Variants in ZFHX3 observed in about 807,000 individuals in gnomAD.
ZFHX3 encodes the protein zinc finger homeobox protein 3.
In ZFHX3, 42 loss-of-function variants were observed where a neutral mutation model predicts 279.1. The observed-to-expected ratio is 0.15, with a 90% CI of 0.12 to 0.19. The LOEUF (loss-of-function observed/expected upper bound fraction) is 0.19, where lower values mean the gene tolerates loss of function less well. Ranked by LOEUF, ZFHX3 falls within the 10% of genes least tolerant of loss-of-function variation. The probability of loss-of-function intolerance (pLI) is 1.00; values close to 1 mark genes in which losing one functional copy is unlikely to be tolerated. For missense variants in ZFHX3, 4,981 were observed against 4,754.0 expected (o/e 1.05, Z -1.40); for synonymous variants, 2,293 against 1,957.8 (o/e 1.17, Z -4.52).
chr16:72,941,678 T>G (rs1960416250), intron 3 of ZFHX3, among the ~76,000 whole-genome samples: 2 of 152,084 alleles, frequency 1.3e-5, no homozygotes, highest in African/African-American at 4.8e-5. Context: ...TCATATAAAT[T>G]TCTTTTTATA....
At chr16:72,990,460 G>A (rs56404375) in intron 1 of ZFHX3, among the ~76,000 whole-genome samples, 8,755 of 152,162 alleles carry the variant, frequency 0.058, 430 homozygotes, top group African/African-American at 0.13. Flanking sequence ...AAGCGGGCGG[G>A]AGAGAGCTAT....
intron 7 of ZFHX3, chr16:72,808,088 G>T (rs1272977623): frequency 6.6e-6 from 1 of 152,094 alleles, no homozygotes; most frequent in Admixed American, 6.6e-5. Context: ...CTTTCCCGGG[G>T]CCAATCTTCT....
intron 5 of ZFHX3, among the ~76,000 whole-genome samples, chr16:73,151,568 C>G (rs189969816): frequency 1.2e-5 from 1 of 80,890 alleles, no homozygotes; most frequent in Non-Finnish European, 2.5e-5. Context: ...GATACCTGCC[C>G]GGGCATAGGA....
Position 73,870,847 on chromosome 16 carries a change from T to C in ZFHX3, c.-1608+20804A>G, listed in dbSNP as rs531192415. 3.9e-5 allele frequency among the ~76,000 whole-genome samples: 6 copies of C among 152,270 alleles called. No individual in the cohort carries two copies. The South Asian group carries it at 1.0e-3, about 26-fold the overall frequency. On this transcript the variant is annotated intron_variant, in intron 1 of 17. Coordinates refer to the ZFHX3 transcript ENST00000641206. The stretch of plus-strand genomic sequence containing the variant: ...CGTGGGTGGAGGAAAGACACATAAA[T>C]ACCTCCCCACTTTCTTCTTAAAACC...
intron 3 of ZFHX3, among the ~76,000 whole-genome samples, chr16:73,349,681 TC>T (rs2016194640): frequency 7.1e-5 from 1 of 14,134 alleles, no homozygotes; most frequent in Non-Finnish European, 1.3e-4. Context: ...TCCTTCCCTC[TC>T]TCCCTCTCCC....
intron 5 of ZFHX3, among the ~76,000 whole-genome samples, chr16:73,161,829 T>C (rs990271143): frequency 1.3e-5 from 2 of 152,152 alleles, no homozygotes. Flanking sequence ...CCTTACTTCT[T>C]TATGCAAAAC....
chr16:73,776,819 C>G (rs2142298345), intron 1 of ZFHX3, among the ~76,000 whole-genome samples: 1 of 152,294 alleles, frequency 6.6e-6, no homozygotes, highest in East Asian at 1.9e-4. Flanking sequence ...TTATTACATT[C>G]CCGCCTGAAC....
At chr16:73,024,413 G>C (rs1027186397) in intron 1 of ZFHX3, among the ~76,000 whole-genome samples, 11 of 152,200 alleles carry the variant, frequency 7.2e-5, no homozygotes, top group African/African-American at 2.6e-4. Context: ...CCCCAGCCAC[G>C]GGCAGGAGGC....
chr16:73,612,812 A>T (rs546928706), intron 2 of ZFHX3, among the ~76,000 whole-genome samples: 1 of 152,342 alleles, frequency 6.6e-6, no homozygotes, highest in South Asian at 2.1e-4. Context: ...CTGAAAGCAG[A>T]GAAACACACA....
intron 2 of ZFHX3, among the ~76,000 whole-genome samples, chr16:73,475,991 AG>A (rs2018758688): frequency 6.6e-6 from 1 of 152,168 alleles, no homozygotes; most frequent in African/African-American, 2.4e-5. Flanking sequence ...TTCTTCCCAG[AG>A]GTTAAGGTAT....
chr16:73,009,057 C>T (rs907634372), intron 1 of ZFHX3, among the ~76,000 whole-genome samples: 6 of 152,078 alleles, frequency 3.9e-5, no homozygotes, highest in South Asian at 2.1e-4. Context: ...TATCTCCTTA[C>T]GCAGCCTTTC....
chr16:73,056,346 T>G (rs998353924), intron 1 of ZFHX3, among the ~76,000 whole-genome samples: 13 of 152,116 alleles, frequency 8.5e-5, no homozygotes, highest in Admixed American at 7.9e-4. Context: ...TATTCTCTTT[T>G]ATTTTCCTAT....
At chr16:72,922,791 C>T (rs2039615469) in intron 3 of ZFHX3, among the ~76,000 whole-genome samples, 1 of 152,038 alleles carries the variant, frequency 6.6e-6, no homozygotes, top group African/African-American at 2.4e-5. Context: ...ATATCTAATC[C>T]TAAAAACTCT....
intron 2 of ZFHX3, among the ~76,000 whole-genome samples, chr16:73,505,171 C>T (rs1377228569): frequency 4.6e-5 from 7 of 152,000 alleles, no homozygotes; most frequent in African/African-American, 9.7e-5. Context: ...TTCATCAACC[C>T]GAGCCTTTTC....
intron 1 of ZFHX3, among the ~76,000 whole-genome samples, chr16:73,019,343 C>CAT (rs1555542114): frequency 0.15 from 21,931 of 150,094 alleles, 1,562 homozygotes; most frequent in Middle Eastern, 0.16. Flanking sequence ...TGTGTCTGTG[C>CAT]GTGTGTGTGT....
At position 73,318,949 on chromosome 16, in the gene ZFHX3, T is replaced by C. The variant is rs563903814; in HGVS notation, c.-1290-613A>G. ...ATGCACAAAGCCCAACTGGCCCTTC[T>C]TGCTTGTGGAGGGCTATTCACCCCA... On this transcript the variant is annotated intron_variant, in intron 3 of 17. Coordinates refer to the ZFHX3 transcript ENST00000641206. 2.6e-5 allele frequency among the ~76,000 whole-genome samples: 4 copies of C among 152,318 alleles called. No individual in the cohort carries two copies. The South Asian group carries it at 8.3e-4, about 32-fold the overall frequency.
intron 5 of ZFHX3, among the ~76,000 whole-genome samples, chr16:72,818,967 G>A (rs1376915775): frequency 6.6e-6 from 1 of 152,176 alleles, no homozygotes; most frequent in Admixed American, 6.5e-5. Flanking sequence ...TCAGGGAAAG[G>A]CTATTTTTCT....
intron 4 of ZFHX3, among the ~76,000 whole-genome samples, chr16:72,833,482 G>A (rs1465445248): frequency 2.0e-5 from 3 of 152,098 alleles, no homozygotes; most frequent in East Asian, 1.9e-4. Context: ...ACTGATGATC[G>A]GTTTTATCTG....
At chr16:73,849,401 T>C (rs1961536898) in intron 1 of ZFHX3, among the ~76,000 whole-genome samples, 1 of 152,214 alleles carries the variant, frequency 6.6e-6, no homozygotes, top group Non-Finnish European at 1.5e-5. Context: ...CTGGCTCTAA[T>C]AGCCAATGTG....
Sources: gnomAD v4.1 joint callset for allele counts (sites outside exome capture counted in the v4.1 genomes callset) on GRCh38, gnomAD v4.1.1 for gene constraint, MANE v1.5 for transcripts, NCBI Gene and HGNC (gene_info 2026-07-23, HGNC 2026-07-21) for gene names.